The following MAML1 variants were observed in gnomAD, a reference collection of about 807,000 sequenced individuals.
MAML1 encodes the protein mastermind like transcriptional coactivator 1.
In MAML1, 14 loss-of-function variants were observed where a neutral mutation model predicts 77.1. The ratio of observed to expected loss-of-function variants is 0.18; its 90% confidence interval spans 0.12 to 0.28. MAML1 has a LOEUF of 0.28. MAML1 is among the 10% of genes least tolerant of loss of function. MAML1 has a pLI of 1.00. For synonymous variants in MAML1, 516 were observed against 551.9 expected (o/e 0.93, Z 0.91); for missense variants, 1,217 against 1,327.8 (o/e 0.92, Z 1.30).
At chr5:179,754,294 T>G (rs1779569458) in intron 1 of MAML1, among the ~76,000 whole-genome samples, 1 of 150,968 alleles carries the variant, frequency 6.6e-6, no homozygotes, top group African/African-American at 2.4e-5. Context: ...GAAGAAGAAA[T>G]AAATGAATAT....
Position 179,769,397 on chromosome 5 carries a change from C to T in MAML1, c.1971+308C>T, listed in dbSNP as rs148590612. Among the ~76,000 whole-genome samples, 761 of 152,272 alleles carry T rather than the reference C, an allele frequency of 5.0e-3. 8 individuals are homozygous for T. Among genetic ancestry groups the T allele is most frequent in the Middle Eastern group, 0.02 (6 of 294 alleles). On this transcript the variant is annotated intron_variant, in intron 3 of 4. Transcript: ENST00000292599. This position sits in a 1 kb window ranked among gnomAD's most constrained non-coding sequence, Gnocchi z 4.2. ...AGCAGCTTCCAAGCCACTGAGCTCA[C>T]GTGTCTGTCATTCCACTATGGAGTC...
In MAML1 at chr5:179,732,863, A is replaced by C; in HGVS notation, c.-250A>C. ...ATTTTAAGATGGCGGCCGCGGCGGT[A>C]GCGCGGAAAACAATGGGGCCGGGGC... On this transcript the variant is annotated 5_prime_UTR_variant, in exon 1 of 5. Coordinates refer to ENST00000292599, the MANE Select transcript of MAML1 (RefSeq NM_014757.5). 2 of 240,138 alleles carry C rather than the reference A, an allele frequency of 8.3e-6. No homozygotes were observed. The highest frequency in any genetic ancestry group is 7.9e-6 in the Non-Finnish European group (1 of 125,880). 14.9% of individuals were successfully genotyped at this position (240,138 alleles called of 1,614,324 possible). A position where few individuals can be genotyped will look rare whatever the true frequency, so the allele number is the denominator to read the frequency against.
chr5:179,755,464 G>A (rs1212208415), intron 1 of MAML1, among the ~76,000 whole-genome samples: 1 of 152,156 alleles, frequency 6.6e-6, no homozygotes, highest in Non-Finnish European at 1.5e-5. Flanking sequence ...TGTACAGTAC[G>A]ACACAAATGC....
intron 1 of MAML1, among the ~76,000 whole-genome samples, chr5:179,744,966 A>T (rs958151255): frequency 6.6e-6 from 1 of 151,686 alleles, no homozygotes; most frequent in African/African-American, 2.4e-5. Context: ...CAGTGGCACA[A>T]TCTCGGCTCA....
chr5:179,765,175 A>C, intron 1 of MAML1, 151 bp from the exon 2 acceptor site: 1 of 642,186 alleles, frequency 1.6e-6, no homozygotes, highest in Non-Finnish European at 2.6e-6. Context: ...ACCGTCAGGG[A>C]AAATGGAGGT....
intron 1 of MAML1, among the ~76,000 whole-genome samples, chr5:179,760,034 GAGGAA>G (rs1366532975): frequency 1.3e-5 from 2 of 152,176 alleles, no homozygotes; most frequent in African/African-American, 2.4e-5. Flanking sequence ...TGTGGGAACA[GAGGAA>G]AGGAAACAGG....
chr5:179,774,408 C>G lies in MAML1; in HGVS notation c.2582C>G (p.Thr861Ser), dbSNP rs774317214. The G allele has an allele frequency of 4.3e-6, 7 of 1,613,256 alleles. No homozygotes were observed. Among genetic ancestry groups the G allele is most frequent in the Non-Finnish European group, 5.9e-6 (7 of 1,180,054 alleles). Reference sequence around the variant, plus strand: ...GGGAACAGCAACGTGAGTCCCTTCACTGCAGCCTCCAGTTTCCACATGCAG... The same window carrying G: ...GGGAACAGCAACGTGAGTCCCTTCAGTGCAGCCTCCAGTTTCCACATGCAG... ...TPGNSNVSPFTAASSFHMQQQ... is the reference protein window; with the variant it reads ...TPGNSNVSPFSAASSFHMQQQ... Residue 861 changes from threonine (T) to serine (S), a missense_variant, in exon 5 of 5, where the codon ACT becomes AGT. By Grantham distance (58) the Thr-to-Ser change is moderately conservative. Coordinates refer to ENST00000292599, the MANE Select transcript of MAML1 (RefSeq NM_014757.5).
At chr5:179,767,619 G>T (rs931538485) in intron 2 of MAML1, among the ~76,000 whole-genome samples, 2 of 152,228 alleles carry the variant, frequency 1.3e-5, no homozygotes, top group East Asian at 1.9e-4. Context: ...GCATCTCCCA[G>T]TGCTGATAAT....
At chr5:179,753,895 C>T (rs1163163608) in intron 1 of MAML1, among the ~76,000 whole-genome samples, 1 of 151,886 alleles carries the variant, frequency 6.6e-6, no homozygotes, top group East Asian at 1.9e-4. Flanking sequence ...TGGTCTCGAA[C>T]TCCCGACCTC....
intron 1 of MAML1, among the ~76,000 whole-genome samples, chr5:179,751,134 T>C (rs1437079306): frequency 2.0e-5 from 3 of 152,064 alleles, no homozygotes; most frequent in African/African-American, 7.2e-5. Context: ...CCACGATGCG[T>C]AGCTAATTTT....
rs1349362373 is a variant in MAML1, at chr5:179,733,235, C to T, written c.123C>T (p.Tyr41=). 6.8e-7 allele frequency: 1 copy of T among 1,476,494 alleles called. No homozygotes were observed. The highest frequency in any genetic ancestry group is 3.0e-5 in the East Asian group (1 of 33,630). 91.5% of individuals were successfully genotyped at this position (1,476,494 alleles called of 1,614,324 possible). ...ACCACAGCACCTGCGAGGCCCGCTACGAGGCCGTGTCGCCCGAGCGCCTGG... is the reference window on the plus strand; with the variant it reads ...ACCACAGCACCTGCGAGGCCCGCTATGAGGCCGTGTCGCCCGAGCGCCTGG... ...RRHHSTCEAR[Y]EAVSPERLEL... is the part of the protein sequence containing the mutation. Residue 41 remains tyrosine (Y), a synonymous_variant, in exon 1 of 5, where the codon TAC becomes TAT. Transcript: ENST00000292599.
At chr5:179,746,459 G>A (rs764175972) in intron 1 of MAML1, among the ~76,000 whole-genome samples, 1 of 151,988 alleles carries the variant, frequency 6.6e-6, no homozygotes, top group Non-Finnish European at 1.5e-5. Context: ...CGCAACCTCT[G>A]CCTCCCAGGG....
At chr5:179,770,320 C>A (rs1306246841) in intron 3 of MAML1, among the ~76,000 whole-genome samples, 1 of 152,084 alleles carries the variant, frequency 6.6e-6, no homozygotes, top group African/African-American at 2.4e-5. Context: ...TGGTGACGGG[C>A]GCCTGTAGTC....
chr5:179,769,196 G>C lies in MAML1; in HGVS notation c.1971+107G>C. 1 of 1,478,786 alleles carries C rather than the reference G, an allele frequency of 6.8e-7. No individual in the cohort carries two copies. Among genetic ancestry groups the C allele is most frequent in the Non-Finnish European group, 9.2e-7 (1 of 1,088,700 alleles). The allele number at this position is 1,478,786 out of a possible 1,614,324, so 91.6% of individuals were successfully genotyped here. On this transcript the variant is annotated intron_variant, in intron 3 of 4. Transcript: ENST00000292599. This position sits in a 1 kb window ranked among gnomAD's most constrained non-coding sequence, Gnocchi z 4.2. Reference sequence around the variant, plus strand: ...TGTGCGTGTGGATTTGCGCAGACTTGCGTGCCTGTTGTTAGAGTGCTTTGC... The same window carrying C: ...TGTGCGTGTGGATTTGCGCAGACTTCCGTGCCTGTTGTTAGAGTGCTTTGC...
At chr5:179,739,893 A>G (rs754783441) in intron 1 of MAML1, among the ~76,000 whole-genome samples, 1 of 152,194 alleles carries the variant, frequency 6.6e-6, no homozygotes, top group African/African-American at 2.4e-5. Context: ...CCAATTCCCC[A>G]TGGACACCAA....
At chr5:179,764,582 C>T (rs1342927671) in intron 1 of MAML1, among the ~76,000 whole-genome samples, 1 of 151,840 alleles carries the variant, frequency 6.6e-6, no homozygotes, top group Non-Finnish European at 1.5e-5. Flanking sequence ...ATGGCTTGAA[C>T]CCTGGAGGCG....
intron 1 of MAML1, among the ~76,000 whole-genome samples, chr5:179,762,085 C>G (rs905176375): frequency 1.3e-5 from 2 of 152,134 alleles, no homozygotes; most frequent in South Asian, 2.1e-4. Context: ...AAGAACCACG[C>G]GTGTCTTCAG....
At chr5:179,764,145 G>A (rs1779769606) in intron 1 of MAML1, among the ~76,000 whole-genome samples, 1 of 152,088 alleles carries the variant, frequency 6.6e-6, no homozygotes, top group South Asian at 2.1e-4. Context: ...ACTGTGTGCT[G>A]CTCTCACTCT....
At chr5:179,736,853 C>T (rs914195541) in intron 1 of MAML1, among the ~76,000 whole-genome samples, 19 of 151,470 alleles carry the variant, frequency 1.3e-4, no homozygotes, top group African/African-American at 3.9e-4. Flanking sequence ...CCCAGCTACA[C>T]GGGAGGCTGA....
Sources: gnomAD v4.1 joint callset for allele counts (sites outside exome capture counted in the v4.1 genomes callset) on GRCh38, gnomAD v4.1.1 for gene constraint, Gnocchi (gnomAD v3.1) non-coding constraint, MANE v1.5 for transcripts, NCBI Gene and HGNC (gene_info 2026-07-23, HGNC 2026-07-21) for gene names.